The following ENPP2 variants were observed in gnomAD, a reference collection of about 807,000 sequenced individuals.
ENPP2 encodes autotaxin.
In ENPP2, 51 loss-of-function variants were observed where a neutral mutation model predicts 120.2. The observed-to-expected ratio is 0.42, with a 90% confidence interval of 0.34 to 0.54. The LOEUF (loss-of-function observed/expected upper bound fraction) is 0.54, where lower values mean the gene tolerates loss of function less well. Among genes scored for constraint, ENPP2 ranks in the 20% least tolerant of loss-of-function variants. The pLI, the probability that ENPP2 is intolerant of heterozygous loss-of-function variation, is 0.04. For synonymous variants in ENPP2, 365 were observed against 366.4 expected, an observed-to-expected ratio of 1.00 and a Z score of 0.04; for missense variants, 920 against 1,066.5, an observed-to-expected ratio of 0.86 and a Z score of 1.91.
rs959464170 is a variant in ENPP2, at chr8:119,638,325, C to T, written c.136+100G>A. 6 of 662,388 alleles carry T rather than the reference C, an allele frequency of 9.1e-6. No homozygotes were observed. In the African/African-American group the frequency reaches 1.1e-4, roughly 12 times the overall value. The allele number at this position is 662,388 out of a possible 1,614,324, so 41.0% of individuals were successfully genotyped here. A position where few individuals can be genotyped will look rare whatever the true frequency, so the allele number is the denominator to read the frequency against. On this transcript the variant is annotated intron_variant, in intron 2 of 24. Coordinates refer to ENST00000075322, the MANE Select transcript of ENPP2 (RefSeq NM_001040092.3). ...ATTTAGGACTAACTTAGTTATACTG[C>T]AAGATTGTATTAAAAATAAATATTT...
Position 119,613,712 on chromosome 8 carries a change from G to C in ENPP2, c.777+2553C>G, listed in dbSNP as rs1203045899. 2.6e-5 allele frequency among the ~76,000 whole-genome samples: 4 copies of C among 151,904 alleles called. No individual in the cohort carries two copies. The East Asian group carries it at 7.7e-4, about 29-fold the overall frequency. The stretch of plus-strand genomic sequence containing the variant: ...TTAGTTGCTTATACTCTTATACTTT[G>C]ACTAAAGTTTCTTTTTAATTACTTT... On this transcript the variant is annotated intron_variant, in intron 8 of 24. Coordinates refer to ENST00000075322, the MANE Select transcript of ENPP2 (RefSeq NM_001040092.3).
intron 2 of ENPP2, 144 bp downstream of exon 2, chr8:119,638,281 G>A (rs1817126627): frequency 1.7e-6 from 1 of 575,842 alleles, no homozygotes; most frequent in African/African-American, 1.9e-5. Context: ...TATACACATA[G>A]GTGGTTTTAC....
intron 2 of ENPP2, among the ~76,000 whole-genome samples, chr8:119,634,697 G>T (rs1164107200): frequency 6.6e-6 from 1 of 152,088 alleles, no homozygotes; most frequent in East Asian, 1.9e-4. Context: ...TTAATGAAAG[G>T]TTTTTCAAAC....
At position 119,569,289 on chromosome 8, in the gene ENPP2, A is replaced by C. The variant is rs1814752747; in HGVS notation, c.1999T>G (p.Cys667Gly). The change falls in exon 21 of 25, where the codon TGT (cysteine) becomes GGT (glycine). Residue 667 changes from cysteine (C) to glycine (G), a missense_variant. Transcript: ENST00000075322. ...TGCTTATCATTTTTGTAGGCCAAAC[A>C]GTTCTGACTGAAACTCGGAGAAACA... ...VRVSPSFSQN[C>G]LAYKNDKQMS... is the part of the protein sequence containing the mutation. 1.9e-6 allele frequency: 3 copies of C among 1,614,070 alleles called. No homozygotes were observed. The highest frequency in any genetic ancestry group is 2.2e-5 in the East Asian group (1 of 44,860).
chr8:119,583,665 T>A (rs374504229), intron 17 of ENPP2, 52 bp downstream of exon 17: 2 of 991,004 alleles, frequency 2.0e-6, no homozygotes, highest in African/African-American at 3.2e-5. Flanking sequence ...AGAAAGATCA[T>A]ATATACTAAC....
intron 19 of ENPP2, among the ~76,000 whole-genome samples, chr8:119,574,745 C>T (rs1812217045): frequency 1.3e-5 from 2 of 152,044 alleles, no homozygotes; most frequent in Non-Finnish European, 2.9e-5. Flanking sequence ...AACATACACT[C>T]CCACAATAAT....
chr8:119,626,526 C>T, intron 3 of ENPP2, 39 bp downstream of exon 3: 1 of 1,572,842 alleles, frequency 6.4e-7, no homozygotes. Flanking sequence ...GTCTTTAAGC[C>T]ATCTACTTGA....
In ENPP2 at chr8:119,649,401, C is replaced by CAAAA. The variant is rs755896948; in HGVS notation, c.22-10878_22-10875dup. Among the ~76,000 whole-genome samples, 10 of 76,282 alleles carry CAAAA rather than the reference C, an allele frequency of 1.3e-4. No individual in the cohort carries two copies. The South Asian group carries it at 2.8e-3, about 22-fold the overall frequency. The allele number at this position is 76,282 out of a possible 152,430, so 50.0% of individuals were successfully genotyped here. On this transcript the variant is annotated intron_variant, in intron 1 of 25. Transcript: ENST00000427067. ...TGGATAACAGAGCAAGACTCCATCT[C>CAAAA]AAAAAAAAAAAAAAGAAAAGAAAAG...
chr8:119,594,932 T>A (rs906357146), intron 11 of ENPP2, among the ~76,000 whole-genome samples: 1 of 152,328 alleles, frequency 6.6e-6, no homozygotes, highest in South Asian at 2.1e-4. Context: ...AAATCAGGTG[T>A]AAACTTTTGT....
At chr8:119,564,722 A>T in intron 23 of ENPP2, 101 bp downstream of exon 23, 1 of 810,872 alleles carries the variant, frequency 1.2e-6, no homozygotes, top group Non-Finnish European at 1.8e-6. Context: ...AAAAAACTTA[A>T]GGGGTGTCAT....
At chr8:119,630,570 C>T (rs1462520942) in intron 2 of ENPP2, among the ~76,000 whole-genome samples, 1 of 152,160 alleles carries the variant, frequency 6.6e-6, no homozygotes. Context: ...ACTTAATAGT[C>T]GGTCCCTATC....
Position 119,659,320 on chromosome 8 carries a change from T to TAAAAAAAAAAAAAAAAAAA in ENPP2, c.21+13931_21+13932insTTTTTTTTTTTTTTTTTTT, listed in dbSNP as rs750701293. On this transcript the variant is annotated intron_variant, in intron 1 of 25. Coordinates refer to the ENPP2 transcript ENST00000427067. ...CTACAGGACAAGACTCTGTCTCAAT[T>TAAAAAAAAAAAAAAAAAAA]AAAAAAAAAAAAAAAAACCAGAGTT... 7.2e-4 allele frequency among the ~76,000 whole-genome samples: 47 copies of TAAAAAAAAAAAAAAAAAAA among 64,876 alleles called. 3 individuals carry two copies. The highest frequency in any genetic ancestry group is 1.7e-3 in the South Asian group (2 of 1,182). The allele number at this position is 64,876 out of a possible 152,430, so 42.6% of individuals were successfully genotyped here.
intron 19 of ENPP2, among the ~76,000 whole-genome samples, chr8:119,579,596 C>T (rs1184507939): frequency 1.3e-5 from 2 of 150,932 alleles, no homozygotes; most frequent in Admixed American, 1.3e-4. Context: ...CATAAGCTTG[C>T]GAAAGTTCAC....
At chr8:119,586,646 G>C (rs774017713) in intron 14 of ENPP2, among the ~76,000 whole-genome samples, 1 of 152,088 alleles carries the variant, frequency 6.6e-6, no homozygotes, top group Non-Finnish European at 1.5e-5. Context: ...GGTGTCGGTG[G>C]GAGGGGAGGA....
At chr8:119,559,659 C>T (rs138891383) in intron 24 of ENPP2, among the ~76,000 whole-genome samples, 1 of 152,286 alleles carries the variant, frequency 6.6e-6, no homozygotes, top group East Asian at 1.9e-4. Flanking sequence ...AAAACTAAGA[C>T]AATTCAGATA....
chr8:119,666,407 G>C (rs1454161760), intron 1 of ENPP2, among the ~76,000 whole-genome samples: 1 of 151,916 alleles, frequency 6.6e-6, no homozygotes, highest in African/African-American at 2.4e-5. Context: ...GATAATTTAG[G>C]GAAAGGGCTC....
chr8:119,613,749 T>C (rs1815268230), intron 8 of ENPP2, among the ~76,000 whole-genome samples: 1 of 152,198 alleles, frequency 6.6e-6, no homozygotes, highest in South Asian at 2.1e-4. Flanking sequence ...TATTTATAAC[T>C]GACATATAAT....
chr8:119,663,036 G>C (rs574308495), intron 1 of ENPP2, among the ~76,000 whole-genome samples: 8 of 150,782 alleles, frequency 5.3e-5, no homozygotes, highest in African/African-American at 1.9e-4. Context: ...AGAATCACTT[G>C]AACCTGGGAG....
intron 2 of ENPP2, among the ~76,000 whole-genome samples, chr8:119,628,142 T>C (rs1389543151): frequency 1.3e-5 from 2 of 152,056 alleles, no homozygotes. Flanking sequence ...ATAATCAAAG[T>C]AGTCTGATAC....
Sources: gnomAD v4.1 joint callset for allele counts (sites outside exome capture counted in the v4.1 genomes callset) on GRCh38, gnomAD v4.1.1 for gene constraint, MANE v1.5 for transcripts, NCBI Gene and HGNC (gene_info 2026-07-23, HGNC 2026-07-21) for gene names.